Variants in GLS observed in about 807,000 individuals in gnomAD.
GLS encodes glutaminase kidney isoform, mitochondrial.
GLS carries 36 observed loss-of-function variants against 86.7 expected under a neutral mutation model. The observed-to-expected ratio is 0.42, with a 90% CI of 0.32 to 0.55. The LOEUF (loss-of-function observed/expected upper bound fraction) is 0.55, where lower values mean the gene tolerates loss of function less well. Among genes scored for constraint, GLS ranks in the 20% least tolerant of loss-of-function variants. The pLI, the probability that GLS is intolerant of heterozygous loss-of-function variation, is 0.17. For missense variants in GLS, 528 were observed against 833.4 expected, an observed-to-expected ratio of 0.63 and a Z score of 4.51; for synonymous variants, 317 against 305.9, an observed-to-expected ratio of 1.04 and a Z score of -0.38.
chr2:190,886,305 C>T (rs1258731255), intron 1 of GLS, among the ~76,000 whole-genome samples: 2 of 152,118 alleles, frequency 1.3e-5, no homozygotes, highest in African/African-American at 4.8e-5. Flanking sequence ...TTAACAAACT[C>T]ATGCTGTTAA....
chr2:190,921,317 C>A lies in GLS; in HGVS notation c.1130+114C>A. 2 of 784,576 alleles carry A rather than the reference C, an allele frequency of 2.5e-6. No individual in the cohort carries two copies. The highest frequency in any genetic ancestry group is 2.2e-6 in the Non-Finnish European group (1 of 456,936). 48.6% of individuals were successfully genotyped at this position (784,576 alleles called of 1,614,324 possible). On this transcript the variant is annotated intron_variant, in intron 9 of 17. Coordinates refer to ENST00000320717, the MANE Select transcript of GLS (RefSeq NM_014905.5). The surrounding 1 kb of genome is among the most constrained non-coding windows in gnomAD (Gnocchi z 4.2). ...TGATTTCTAAATTACCTGACAGAAA[C>A]ACTTAAAAATACTTTAAATAGTTTT...
intron 4 of GLS, 117 bp downstream of exon 4, chr2:190,900,810 C>T (rs1004636045): frequency 9.4e-6 from 6 of 635,554 alleles, no homozygotes; most frequent in African/African-American, 1.9e-5. Context: ...ACTTTAGCTT[C>T]GCTTAAGAAA....
At chr2:190,881,775 C>T (rs1406019418) in intron 1 of GLS, 6 of 281,572 alleles carry the variant, frequency 2.1e-5, no homozygotes, top group Non-Finnish European at 4.0e-5. Flanking sequence ...AGGCCGCTCC[C>T]CTGCCCGCGC....
Position 190,930,691 on chromosome 2 carries a change from C to T in GLS, c.1557+123C>T. 1.2e-6 allele frequency: 1 copy of T among 803,382 alleles called. No individual in the cohort carries two copies. Among genetic ancestry groups the T allele is most frequent in the South Asian group, 2.1e-5 (1 of 47,884 alleles). The allele number at this position is 803,382 out of a possible 1,614,324, so 49.8% of individuals were successfully genotyped here. A position where few individuals can be genotyped will look rare whatever the true frequency, so the allele number is the denominator to read the frequency against. On this transcript the variant is annotated intron_variant, in intron 13 of 17. Coordinates refer to ENST00000320717, the MANE Select transcript of GLS (RefSeq NM_014905.5). The surrounding 1 kb of genome is among the most constrained non-coding windows in gnomAD (Gnocchi z 5.0). The stretch of plus-strand genomic sequence containing the variant: ...CCCTCCGCCTATAGTGTGCCAGTTA[C>T]TAGGGAGCCGTGGAAATACTCCCAG...
At chr2:190,948,907 G>A (rs1300798305) in intron 14 of GLS, among the ~76,000 whole-genome samples, 1 of 152,134 alleles carries the variant, frequency 6.6e-6, no homozygotes, top group Non-Finnish European at 1.5e-5. Context: ...GGGAGTGGAG[G>A]TATCTAATTG....
chr2:190,880,894 G>GCAC lies in GLS; in HGVS notation c.-189_-188insCCA. The GCAC allele has an allele frequency of 1.9e-6, 1 of 526,758 alleles. No homozygotes were observed. Among genetic ancestry groups the GCAC allele is most frequent in the South Asian group, 1.9e-5 (1 of 51,708 alleles). 32.6% of individuals were successfully genotyped at this position (526,758 alleles called of 1,614,324 possible). ...GCGCGCAGCAGCAGCAGCAGCAGCA[G>GCAC]CAGCAGCAGCAGCAGCAGCAGCAGC... On this transcript the variant is annotated 5_prime_UTR_variant, in exon 1 of 18. Coordinates refer to ENST00000320717, the MANE Select transcript of GLS (RefSeq NM_014905.5).
Position 190,895,771 on chromosome 2 carries a change from C to A in GLS, c.605+46C>A. On this transcript the variant is annotated intron_variant, in intron 3 of 17. Transcript: ENST00000320717. The surrounding 1 kb of genome is among the most constrained non-coding windows in gnomAD (Gnocchi z 4.2). ...TTTAATGGTGATTTGCTATGCTATA[C>A]GGTGATTCTGCTTTTAAAACAAAAT... 6.8e-7 allele frequency: 1 copy of A among 1,476,676 alleles called. No homozygotes were observed. The highest frequency in any genetic ancestry group is 9.1e-7 in the Non-Finnish European group (1 of 1,093,672). The allele number at this position is 1,476,676 out of a possible 1,614,324, so 91.5% of individuals were successfully genotyped here.
chr2:190,905,197 A>G lies in GLS; in HGVS notation c.979+30A>G. 1.5e-6 allele frequency: 2 copies of G among 1,327,744 alleles called. No individual in the cohort carries two copies. The highest frequency in any genetic ancestry group is 2.1e-6 in the Non-Finnish European group (2 of 938,998). 82.2% of individuals were successfully genotyped at this position (1,327,744 alleles called of 1,614,324 possible). ...GAATTACATAAACATTGGTTGAAAA[A>G]AGAAATGTCTCATTTTCCTATGTAA... On this transcript the variant is annotated intron_variant, in intron 6 of 17. Transcript: ENST00000320717. This position sits in a 1 kb window ranked among gnomAD's most constrained non-coding sequence, Gnocchi z 4.6.
At chr2:190,944,157 T>C (rs2203715) in intron 14 of GLS, among the ~76,000 whole-genome samples, 34,722 of 151,728 alleles carry the variant, frequency 0.23, 4,208 homozygotes, top group East Asian at 0.46. Context: ...TTACACAAAA[T>C]GGTGTCTTTG....
chr2:190,912,835 AC>A (rs1290025401), intron 7 of GLS, among the ~76,000 whole-genome samples: 2 of 152,164 alleles, frequency 1.3e-5, no homozygotes, highest in African/African-American at 2.4e-5. Flanking sequence ...ACTGGTTCAA[AC>A]GATAACAATT....
At chr2:190,936,436 C>G (rs1339959190) in intron 14 of GLS, among the ~76,000 whole-genome samples, 1 of 151,124 alleles carries the variant, frequency 6.6e-6, no homozygotes, top group African/African-American at 2.4e-5. Context: ...ATGAGCAGTT[C>G]TTTTCACATT....
rs1166181440 is a variant in GLS at position 190,924,606 on chromosome 2, T to C, written c.1248+13T>C. 8.6e-6 allele frequency: 12 copies of C among 1,396,174 alleles called. No homozygotes were observed. Among genetic ancestry groups the C allele is most frequent in the Non-Finnish European group, 1.2e-5 (12 of 981,156 alleles). 86.5% of individuals were successfully genotyped at this position (1,396,174 alleles called of 1,614,324 possible). A position where few individuals can be genotyped will look rare whatever the true frequency, so the allele number is the denominator to read the frequency against. ...CTTCTACTTCCAGGTAATCTAATTA[T>C]GTAAATCGTATATATAAATGGATGT... On this transcript the variant is annotated intron_variant, in intron 11 of 17. Coordinates refer to ENST00000320717, the MANE Select transcript of GLS (RefSeq NM_014905.5). The surrounding 1 kb of genome is among the most constrained non-coding windows in gnomAD (Gnocchi z 5.2).
In GLS at chr2:190,905,194, A is replaced by G; in HGVS notation, c.979+27A>G. The G allele has an allele frequency of 5.2e-6, 7 of 1,355,238 alleles. No individual in the cohort carries two copies. The highest frequency in any genetic ancestry group is 2.3e-5 in the East Asian group (1 of 43,150). 84.0% of individuals were successfully genotyped at this position (1,355,238 alleles called of 1,614,324 possible). On this transcript the variant is annotated intron_variant, in intron 6 of 17. Coordinates refer to ENST00000320717, the MANE Select transcript of GLS (RefSeq NM_014905.5). The surrounding 1 kb of genome is among the most constrained non-coding windows in gnomAD (Gnocchi z 4.6). ...TAAGAATTACATAAACATTGGTTGA[A>G]AAAAGAAATGTCTCATTTTCCTATG... is the stretch of plus-strand genomic sequence containing the variant.
At chr2:190,886,358 C>G (rs947834316) in intron 1 of GLS, among the ~76,000 whole-genome samples, 2 of 152,132 alleles carry the variant, frequency 1.3e-5, no homozygotes, top group Non-Finnish European at 2.9e-5. Flanking sequence ...ACTGAAAGAA[C>G]AAGAATTAGA....
At position 190,934,326 on chromosome 2, in the gene GLS, T is replaced by C. The variant is rs372703951; in HGVS notation, c.1650+2689T>C. Reference sequence around the variant, plus strand: ...TGTCTTAAGTTTGGGAACTGTGATATTAAGAAAAGAAATTCCCTTCTAGAG... The same window carrying C: ...TGTCTTAAGTTTGGGAACTGTGATACTAAGAAAAGAAATTCCCTTCTAGAG... On this transcript the variant is annotated intron_variant, in intron 14 of 17. Coordinates refer to ENST00000320717, the MANE Select transcript of GLS (RefSeq NM_014905.5). 7.6e-5 allele frequency: 73 copies of C among 965,202 alleles called. 1 individual carries two copies. In the East Asian group the frequency reaches 5.2e-3, roughly 68 times the overall value. The allele number at this position is 965,202 out of a possible 1,614,324, so 59.8% of individuals were successfully genotyped here. A position where few individuals can be genotyped will look rare whatever the true frequency, so the allele number is the denominator to read the frequency against.
intron 7 of GLS, among the ~76,000 whole-genome samples, chr2:190,917,933 CAA>C (rs1689595913): frequency 6.6e-6 from 1 of 151,998 alleles, no homozygotes; most frequent in African/African-American, 2.4e-5. Flanking sequence ...TATTAAAAAA[CAA>C]AATCTTTTTG....
chr2:190,906,687 C>T (rs1032474808), intron 6 of GLS, among the ~76,000 whole-genome samples: 2 of 152,140 alleles, frequency 1.3e-5, no homozygotes, highest in Non-Finnish European at 2.9e-5. Flanking sequence ...TGATTAGAGC[C>T]TGTGCTCTTG....
At chr2:190,937,842 T>TG (rs1182722519) in intron 14 of GLS, among the ~76,000 whole-genome samples, 4 of 143,466 alleles carry the variant, frequency 2.8e-5, no homozygotes, top group South Asian at 4.4e-4. Context: ...ATCTGTGGGT[T>TG]TTTTTTTTTT....
chr2:190,941,528 G>A (rs1258424561), intron 14 of GLS, among the ~76,000 whole-genome samples: 1 of 140,084 alleles, frequency 7.1e-6, no homozygotes, highest in Non-Finnish European at 1.5e-5. Context: ...TAATGATAAT[G>A]ATAGAAAAGT....
Sources: gnomAD v4.1 joint callset for allele counts (sites outside exome capture counted in the v4.1 genomes callset) on GRCh38, gnomAD v4.1.1 for gene constraint, Gnocchi (gnomAD v3.1) non-coding constraint, MANE v1.5 for transcripts, NCBI Gene and HGNC (gene_info 2026-07-23, HGNC 2026-07-21) for gene names.